The following CES5A variants were observed in gnomAD, a reference collection of about 807,000 sequenced individuals.
The protein encoded by CES5A is carboxylesterase 5A, also known as carboxylesterase 5.
A neutral mutation model predicts 62.9 loss-of-function variants in CES5A; 67 were observed. The ratio of observed to expected loss-of-function variants is 1.07; its 90% CI spans 0.88 to 1.31. CES5A has a LOEUF of 1.31. Ranked by LOEUF, CES5A falls within the 50% of genes most tolerant of loss-of-function variation. The pLI, the probability that CES5A is intolerant of heterozygous loss-of-function variation, is 0.00. For missense variants in CES5A, 748 were observed against 708.5 expected, an observed-to-expected ratio of 1.06 and a Z score of -0.63; for synonymous variants, 296 against 280.8, an observed-to-expected ratio of 1.05 and a Z score of -0.54.
chr16:55,864,907 C>CA (rs1196690898), intron 5 of CES5A, among the ~76,000 whole-genome samples: 5 of 142,918 alleles, frequency 3.5e-5, no homozygotes, highest in Non-Finnish European at 7.7e-5. Context: ...GAACTTGTCT[C>CA]AAAAAAAATA....
At chr16:55,952,191 T>G (rs190792446) in intron 1 of CES5A, among the ~76,000 whole-genome samples, 2 of 152,208 alleles carry the variant, frequency 1.3e-5, no homozygotes, top group African/African-American at 4.8e-5. Context: ...AAATAACTCT[T>G]AGGTTAGCAA....
At chr16:55,912,341 G>A (rs115886707) in intron 1 of CES5A, among the ~76,000 whole-genome samples, 2,282 of 152,270 alleles carry the variant, frequency 0.015, 77 homozygotes, top group African/African-American at 0.052. Flanking sequence ...CGCTCCCAGC[G>A]TCTTTCCTTG....
intron 2 of CES5A, among the ~76,000 whole-genome samples, chr16:55,940,507 T>C (rs749280053): frequency 2.6e-5 from 4 of 152,146 alleles, no homozygotes; most frequent in Non-Finnish European, 5.9e-5. Context: ...AATAGTCCTA[T>C]ACTTATTTTA....
intron 1 of CES5A, among the ~76,000 whole-genome samples, chr16:55,912,036 T>G (rs1048353260): frequency 9.2e-5 from 14 of 152,228 alleles, no homozygotes; most frequent in African/African-American, 3.4e-4. Flanking sequence ...CCTTGTTACC[T>G]GTGCAGCATC....
At chr16:55,911,846 G>C (rs368520336) in intron 1 of CES5A, among the ~76,000 whole-genome samples, 1 of 152,174 alleles carries the variant, frequency 6.6e-6, no homozygotes, top group Non-Finnish European at 1.5e-5. Context: ...CCTCCTCTGA[G>C]CCAGCTACCT....
intron 1 of CES5A, among the ~76,000 whole-genome samples, chr16:55,907,381 A>C (rs571290680): frequency 6.6e-6 from 1 of 152,330 alleles, no homozygotes; most frequent in South Asian, 2.1e-4. Context: ...CACGTTCATG[A>C]AGCCACTGTA....
intron 2 of CES5A, among the ~76,000 whole-genome samples, chr16:55,941,424 A>T (rs2034444935): frequency 6.6e-6 from 1 of 152,074 alleles, no homozygotes; most frequent in South Asian, 2.1e-4. Context: ...TAAGACCTGT[A>T]TGCTGAAAAC....
Position 55,906,339 on chromosome 16 carries a change from G to A in CES5A, c.-256+18984C>T, listed in dbSNP as rs147373181. 3.4e-4 allele frequency among the ~76,000 whole-genome samples: 52 copies of A among 152,228 alleles called. No homozygotes were observed. The Middle Eastern group carries it at 0.01, about 30-fold the overall frequency. On this transcript the variant is annotated intron_variant, in intron 1 of 12. Transcript: ENST00000518005. ...TACTCCTTGAATTCCAGCCAAAGTG[G>A]GCCACACGGAGCTGCAGCTGTACGA...
chr16:55,888,042 A>T (rs1567341832), intron 1 of CES5A, among the ~76,000 whole-genome samples: 2 of 152,178 alleles, frequency 1.3e-5, no homozygotes, highest in Non-Finnish European at 2.9e-5. Context: ...AGTTATTTGC[A>T]CAGAAGGGCT....
At chr16:55,941,147 A>T (rs2034441445) in intron 2 of CES5A, among the ~76,000 whole-genome samples, 1 of 151,998 alleles carries the variant, frequency 6.6e-6, no homozygotes, top group Non-Finnish European at 1.5e-5. Flanking sequence ...AGTCCTAGCT[A>T]TTTGCAATAA....
chr16:55,900,970 G>T (rs530139432), intron 1 of CES5A, among the ~76,000 whole-genome samples: 2 of 152,280 alleles, frequency 1.3e-5, no homozygotes, highest in South Asian at 4.1e-4. Context: ...GTGTGAGTCA[G>T]GGGGAGAGCT....
At chr16:55,874,177 A>G (rs551840034) in intron 1 of CES5A, 140 bp from the exon 2 acceptor site, 1 of 727,716 alleles carries the variant, frequency 1.4e-6, no homozygotes, top group Admixed American at 2.6e-5. Context: ...TTCCCTCTCC[A>G]TGAATCCAGT....
At chr16:55,900,731 C>T (rs145142919) in intron 1 of CES5A, among the ~76,000 whole-genome samples, 21 of 152,314 alleles carry the variant, frequency 1.4e-4, no homozygotes, top group African/African-American at 4.8e-4. Context: ...CTTGCTCTCA[C>T]TCTGCAGCCA....
intron 1 of CES5A, among the ~76,000 whole-genome samples, chr16:55,953,702 G>A (rs1245716773): frequency 6.6e-6 from 1 of 152,030 alleles, no homozygotes; most frequent in Non-Finnish European, 1.5e-5. Context: ...TTGCTTTTTA[G>A]TTTTTCTTAT....
intron 1 of CES5A, among the ~76,000 whole-genome samples, chr16:55,884,685 GT>G (rs1200225426): frequency 6.6e-6 from 1 of 151,956 alleles, no homozygotes; most frequent in Non-Finnish European, 1.5e-5. Flanking sequence ...TCAACCTCCT[GT>G]GCTCAAGTGA....
chr16:55,910,926 C>T lies in CES5A; in HGVS notation c.-256+14397G>A, dbSNP rs547426286. Among the ~76,000 whole-genome samples the T allele has an allele frequency of 1.3e-4, 19 of 148,652 alleles. 1 individual carries two copies. The highest frequency in any genetic ancestry group is 2.1e-4 in the Non-Finnish European group (14 of 67,898). ...TCTGATGGGTGTCAGGATAAAACTG[C>T]CCCTGCTTCCTCACTCCCTGGCCTG... On this transcript the variant is annotated intron_variant, in intron 1 of 12. Coordinates refer to the CES5A transcript ENST00000518005.
chr16:55,928,407 G>A (rs2034279028), upstream of CES5A, among the ~76,000 whole-genome samples: 1 of 152,118 alleles, frequency 6.6e-6, no homozygotes, highest in African/African-American at 2.4e-5. Context: ...ATGGACACTG[G>A]AGACTCAGAA....
At chr16:55,849,278 T>C (rs1276108218) in intron 11 of CES5A, among the ~76,000 whole-genome samples, 1 of 151,760 alleles carries the variant, frequency 6.6e-6, no homozygotes, top group Non-Finnish European at 1.5e-5. Flanking sequence ...TGTGGCCTCA[T>C]GGGATTTCTG....
At chr16:55,892,407 C>T (rs935984820) in intron 1 of CES5A, among the ~76,000 whole-genome samples, 7 of 152,116 alleles carry the variant, frequency 4.6e-5, no homozygotes, top group Non-Finnish European at 8.8e-5. Flanking sequence ...TTCTCTTGAC[C>T]TCCTGAGGGC....
Sources: gnomAD v4.1 joint callset for allele counts (sites outside exome capture counted in the v4.1 genomes callset) on GRCh38, gnomAD v4.1.1 for gene constraint, MANE v1.5 for transcripts, NCBI Gene and HGNC (gene_info 2026-07-23, HGNC 2026-07-21) for gene names.